Variants in EIF3B observed in about 807,000 individuals in gnomAD.
EIF3B encodes eukaryotic translation initiation factor 3 subunit 9.
A neutral mutation model predicts 104.6 loss-of-function variants in EIF3B; 10 were observed. The observed-to-expected ratio is 0.10, with a 90% CI of 0.06 to 0.16. The LOEUF is 0.16. Ranked by LOEUF, EIF3B falls within the 10% of genes least tolerant of loss-of-function variation. EIF3B has a pLI of 1.00. For synonymous variants in EIF3B, 542 were observed against 417.2 expected (o/e 1.30, Z -3.65); for missense variants, 1,014 against 1,087.9 (o/e 0.93, Z 0.96).
chr7:2,371,973 A>G, intron 11 of EIF3B, 124 bp downstream of exon 11: 1 of 752,236 alleles, frequency 1.3e-6, no homozygotes, highest in African/African-American at 1.7e-5. Context: ...CCTCACCATG[A>G]ATAGTCATCT....
At chr7:2,372,237 C>T (rs760144693) in intron 11 of EIF3B, 45 of 230,762 alleles carry the variant, frequency 2.0e-4, no homozygotes, top group Non-Finnish European at 3.3e-4. Flanking sequence ...AGCCTGTGTT[C>T]TTGTTTGGCT....
chr7:2,354,990 G>A lies in EIF3B; in HGVS notation c.69G>A (p.Gln23=), dbSNP rs1779311887. The change falls in exon 1 of 19, where the codon CAG becomes CAA. Residue 23 remains glutamine (Q), a synonymous_variant. Transcript: ENST00000360876. ...AEERAEPGQQ[Q]PAAEPPPAEG... ...AGCGCGCCGAGCCCGGCCAGCAGCAGCCGGCCGCCGAGCCGCCGCCAGCCG... is the reference window on the plus strand; with the variant it reads ...AGCGCGCCGAGCCCGGCCAGCAGCAACCGGCCGCCGAGCCGCCGCCAGCCG... The A allele has an allele frequency of 3.4e-6, 4 of 1,170,598 alleles. No individual in the cohort carries two copies. The highest frequency in any genetic ancestry group is 4.2e-6 in the Non-Finnish European group (4 of 952,586). The allele number at this position is 1,170,598 out of a possible 1,614,324, so 72.5% of individuals were successfully genotyped here. A position where few individuals can be genotyped will look rare whatever the true frequency, so the allele number is the denominator to read the frequency against.
At chr7:2,371,563 T>C (rs1431362783) in intron 10 of EIF3B, among the ~76,000 whole-genome samples, 2 of 152,172 alleles carry the variant, frequency 1.3e-5, no homozygotes, top group Non-Finnish European at 2.9e-5. Flanking sequence ...ACTTCATGCA[T>C]GTCCAGTGGC....
intron 16 of EIF3B, 141 bp downstream of exon 16, chr7:2,378,907 G>A: frequency 1.2e-6 from 1 of 829,398 alleles, no homozygotes; most frequent in Non-Finnish European, 1.9e-6. Flanking sequence ...CAGGAGGGAT[G>A]CACTGGGGAA....
intron 11 of EIF3B, chr7:2,372,069 T>C: frequency 1.9e-6 from 1 of 518,706 alleles, no homozygotes; most frequent in South Asian, 2.2e-5. Context: ...TAGCCAGGTG[T>C]GGTGGTGCGC....
At chr7:2,369,353 G>T in intron 9 of EIF3B, 119 bp from the exon 10 acceptor site, 2 of 1,096,936 alleles carry the variant, frequency 1.8e-6, no homozygotes, top group South Asian at 1.4e-5. Context: ...GGAGCGCTCA[G>T]CGTCAGCTGT....
chr7:2,378,978 A>G, intron 16 of EIF3B, 156 bp from the exon 17 acceptor site: 2 of 756,900 alleles, frequency 2.6e-6, no homozygotes, highest in Admixed American at 2.6e-5. Context: ...GGTGGGGGGC[A>G]GCGTTGGGGG....
intron 15 of EIF3B, chr7:2,378,417 T>C: frequency 4.0e-6 from 1 of 253,124 alleles, no homozygotes; most frequent in Non-Finnish European, 6.7e-6. Context: ...CTGGGTGTCA[T>C]GGAGGAAGGA....
At chr7:2,374,821 C>T (rs1444449951) in intron 13 of EIF3B, 1 of 451,440 alleles carries the variant, frequency 2.2e-6, no homozygotes, top group Non-Finnish European at 3.9e-6. Context: ...TAAGCGCTCC[C>T]AGATGCTTTC....
chr7:2,355,154 C>T lies in EIF3B; in HGVS notation c.233C>T (p.Ser78Phe). ...TEPAAEAEAA[S>F]GPSESPSPPA... ...CCGGCGGCCGAGGCAGAGGCGGCCTCCGGCCCGTCCGAGTCGCCCTCGCCG... is the reference window on the plus strand; with the variant it reads ...CCGGCGGCCGAGGCAGAGGCGGCCTTCGGCCCGTCCGAGTCGCCCTCGCCG... Residue 78 changes from serine (S) to phenylalanine (F), a missense_variant, in exon 1 of 19, where the codon TCC (serine) becomes TTC (phenylalanine). By Grantham distance (155) the Ser-to-Phe change is radical. Transcript: ENST00000360876. 6.9e-7 allele frequency: 1 copy of T among 1,444,542 alleles called. No individual in the cohort carries two copies. Among genetic ancestry groups the T allele is most frequent in the Non-Finnish European group, 9.0e-7 (1 of 1,108,924 alleles). 89.5% of individuals were successfully genotyped at this position (1,444,542 alleles called of 1,614,324 possible).
At chr7:2,365,046 A>AG (rs1779932098) in intron 6 of EIF3B, among the ~76,000 whole-genome samples, 1 of 152,212 alleles carries the variant, frequency 6.6e-6, no homozygotes, top group South Asian at 2.1e-4. Context: ...CCAGCCTCCC[A>AG]GGTCAAGCGG....
chr7:2,375,081 C>G, intron 13 of EIF3B: 1 of 417,122 alleles, frequency 2.4e-6, no homozygotes, highest in Non-Finnish European at 4.4e-6. Context: ...AAAAGAATAC[C>G]CTTTTGTTGC....
At chr7:2,357,252 C>A (rs148413758) in intron 1 of EIF3B, among the ~76,000 whole-genome samples, 8 of 152,132 alleles carry the variant, frequency 5.3e-5, no homozygotes, top group Non-Finnish European at 8.8e-5. Flanking sequence ...GGCTGGGTGA[C>A]GGCTGTGGGT....
In EIF3B at chr7:2,379,196, G is replaced by T. The variant is rs1244892554; in HGVS notation, c.2295G>T (p.Gln765His). 6.2e-7 allele frequency: 1 copy of T among 1,613,950 alleles called. No homozygotes were observed. Residue 765 changes from glutamine (Q) to histidine (H), a missense_variant, in exon 17 of 19, where the codon CAG (glutamine) becomes CAT (histidine). Gln to His is a conservative substitution (Grantham distance 24). This residue lies in a region of EIF3B where 266 missense variants were observed against 324.0 expected (regional missense o/e 0.82). Coordinates refer to ENST00000360876, the MANE Select transcript of EIF3B (RefSeq NM_001037283.2). ...TCCGGAAGTACCGGAAAATGGCCCAGGAGCTCTATATGGAGCAGAAAAACG... is the reference window on the plus strand; with the variant it reads ...TCCGGAAGTACCGGAAAATGGCCCATGAGCTCTATATGGAGCAGAAAAACG... ...EDFRKYRKMAQELYMEQKNER... is the reference protein window; with the variant it reads ...EDFRKYRKMAHELYMEQKNER...
At position 2,363,641 on chromosome 7, in the gene EIF3B, C is replaced by T. The variant is rs768472131; in HGVS notation, c.880C>T (p.Arg294Cys). ...TGTCTTTGTTTTTAAGGGGAACTTACGTTACTGGCTTGAAGAGGCAGAATG... is the reference window on the plus strand; with the variant it reads ...TGTCTTTGTTTTTAAGGGGAACTTATGTTACTGGCTTGAAGAGGCAGAATG... ...KQPFKDLGNL[R>C]YWLEEAECRD... Residue 294 changes from arginine (R) to cysteine (C), a missense_variant, in exon 5 of 19, where the codon CGT becomes TGT. Arg to Cys is a radical substitution (Grantham distance 180). Coordinates refer to ENST00000360876, the MANE Select transcript of EIF3B (RefSeq NM_001037283.2). 1.2e-5 allele frequency: 19 copies of T among 1,600,446 alleles called. No homozygotes were observed. The highest frequency in any genetic ancestry group is 4.6e-5 in the South Asian group (4 of 87,626).
chr7:2,372,572 G>A (rs1780412258), intron 11 of EIF3B, 101 bp from the exon 12 acceptor site: 1 of 1,425,618 alleles, frequency 7.0e-7, no homozygotes, highest in Non-Finnish European at 9.5e-7. Context: ...TTACACGTCG[G>A]GGGATATTTC....
intron 13 of EIF3B, 54 bp from the exon 14 acceptor site, chr7:2,375,335 A>T: frequency 1.9e-6 from 3 of 1,605,526 alleles, no homozygotes; most frequent in East Asian, 2.2e-5. Context: ...CAGGAGTGGG[A>T]TGCCAGGAGG....
chr7:2,369,751 G>T (rs1381216475), intron 10 of EIF3B, 69 bp downstream of exon 10: 80 of 1,077,964 alleles, frequency 7.4e-5, no homozygotes, highest in Non-Finnish European at 1.1e-4. Context: ...GTATTGTTTG[G>T]AGGGTGTTAA....
At chr7:2,366,800 G>C in intron 8 of EIF3B, 199 bp from the exon 9 acceptor site, 5 of 800,184 alleles carry the variant, frequency 6.2e-6, no homozygotes, top group Admixed American at 2.6e-5. Context: ...GGAAGTCCTG[G>C]ATGGGAGTTA....
Sources: allele counts gnomAD v4.1 joint callset (sites outside exome capture counted in the v4.1 genomes callset), GRCh38; gene constraint gnomAD v4.1.1; regional missense constraint gnomAD v4.1.1; transcripts MANE v1.5; gene names NCBI Gene and HGNC (gene_info 2026-07-23, HGNC 2026-07-21).